PLCG2: variants seen among roughly 807,000 people sequenced by gnomAD.
PLCG2 encodes the protein phospholipase C gamma 2.
In PLCG2, 69 loss-of-function variants were observed where a neutral mutation model predicts 175.6. The ratio of observed to expected loss-of-function variants is 0.39; its 90% confidence interval spans 0.32 to 0.48. PLCG2 has a LOEUF of 0.48. PLCG2 is among the 20% of genes least tolerant of loss of function. The pLI, the probability that PLCG2 is intolerant of heterozygous loss-of-function variation, is 0.91. For missense variants in PLCG2, 1,798 were observed against 1,650.9 expected (o/e 1.09, Z -1.54); for synonymous variants, 827 against 624.0 (o/e 1.33, Z -4.85).
chr16:81,948,197 T>A (rs1731557107), intron 31 of PLCG2, among the ~76,000 whole-genome samples: 1 of 152,260 alleles, frequency 6.6e-6, no homozygotes, highest in Admixed American at 6.5e-5. Context: ...TGTATTTTTA[T>A]CTGCATGTCA....
chr16:81,909,235 G>T (rs1909511859), intron 17 of PLCG2, among the ~76,000 whole-genome samples: 3 of 152,062 alleles, frequency 2.0e-5, no homozygotes, highest in African/African-American at 7.2e-5. Context: ...AAGTATAGTT[G>T]TGATGAGTGC....
chr16:81,919,475 C>T lies in PLCG2; in HGVS notation c.2055-9C>T. The T allele has an allele frequency of 6.2e-7, 1 of 1,610,004 alleles. No homozygotes were observed. Among genetic ancestry groups the T allele is most frequent in the African/African-American group, 1.3e-5 (1 of 74,970 alleles). On this transcript the variant is annotated splice_polypyrimidine_tract_variant and intron_variant, in intron 19 of 32. Transcript: ENST00000564138. ...TTGGCATGTCAACCCTGTGTTCTTC[C>T]TGCTCCAGGGCTAGGGGCAAGGTAA...
At chr16:81,809,812 C>A (rs1368682637) in intron 2 of PLCG2, among the ~76,000 whole-genome samples, 1 of 125,190 alleles carries the variant, frequency 8.0e-6, no homozygotes, top group African/African-American at 3.2e-5. Context: ...TCAGCAGAGT[C>A]AGGATTTTTT....
intron 1 of PLCG2, among the ~76,000 whole-genome samples, chr16:81,742,384 C>G (rs1034655500): frequency 4.6e-5 from 7 of 152,262 alleles, no homozygotes; most frequent in South Asian, 2.1e-4. Flanking sequence ...TGCTGCTTCA[C>G]AGGTGATGAC....
At chr16:81,877,086 C>T (rs1369395477) in intron 7 of PLCG2, among the ~76,000 whole-genome samples, 5 of 152,170 alleles carry the variant, frequency 3.3e-5, no homozygotes, top group Admixed American at 6.5e-5. Flanking sequence ...AGACTGTCAC[C>T]GTCTTGCCCC....
intron 2 of PLCG2, among the ~76,000 whole-genome samples, chr16:81,796,012 A>C (rs1401341025): frequency 6.6e-6 from 1 of 152,206 alleles, no homozygotes; most frequent in Admixed American, 6.5e-5. Context: ...TTTGGAGGGT[A>C]CAGAGGCAGC....
intron 16 of PLCG2, 43 bp downstream of exon 16, chr16:81,907,817 A>T: frequency 7.0e-7 from 1 of 1,437,846 alleles, no homozygotes; most frequent in Middle Eastern, 2.2e-4. Flanking sequence ...GTCCCCAGGA[A>T]CCCCGAGGAC....
chr16:81,888,598 A>G (rs536095432), intron 9 of PLCG2, among the ~76,000 whole-genome samples: 1 of 152,312 alleles, frequency 6.6e-6, no homozygotes, highest in South Asian at 2.1e-4. Context: ...CTTCACAGAA[A>G]CTGTGTGGTA....
At chr16:81,946,071 C>G in intron 30 of PLCG2, 104 bp from the exon 31 acceptor site, 1 of 843,750 alleles carries the variant, frequency 1.2e-6, no homozygotes. Flanking sequence ...ACTGACTTCT[C>G]TACCCTTTGA....
At chr16:81,841,576 A>G (rs973559359) in intron 2 of PLCG2, among the ~76,000 whole-genome samples, 4 of 152,048 alleles carry the variant, frequency 2.6e-5, no homozygotes, top group Non-Finnish European at 2.9e-5. Flanking sequence ...TTTTTCAGAT[A>G]TATCTCTATA....
At chr16:81,756,617 A>C (rs1319881745) in intron 2 of PLCG2, among the ~76,000 whole-genome samples, 1 of 152,140 alleles carries the variant, frequency 6.6e-6, no homozygotes, top group Non-Finnish European at 1.5e-5. Flanking sequence ...GAAAGAAGGA[A>C]GCTAAGTGAG....
At chr16:81,791,902 G>C (rs1911249454) in intron 2 of PLCG2, among the ~76,000 whole-genome samples, 1 of 152,126 alleles carries the variant, frequency 6.6e-6, no homozygotes, top group South Asian at 2.1e-4. Flanking sequence ...ACCATGTGGT[G>C]GTCTCAGGCA....
rs372538067 is a variant in PLCG2 at position 81,900,788 on chromosome 16, C to A, written c.1362+8C>A. On this transcript the variant is annotated splice_region_variant and intron_variant, in intron 14 of 32. Coordinates refer to ENST00000564138, the MANE Select transcript of PLCG2 (RefSeq NM_002661.5). ...GAGAAGATCATCATCAAGGTAGGCA[C>A]CCCGGGTGCTGCTGTTGGCTGTCCA... 1.6e-5 allele frequency: 25 copies of A among 1,591,968 alleles called. No homozygotes were observed. The highest frequency in any genetic ancestry group is 9.1e-5 in the East Asian group (4 of 44,184).
At chr16:81,846,114 G>T (rs571500766) in intron 2 of PLCG2, among the ~76,000 whole-genome samples, 7 of 152,152 alleles carry the variant, frequency 4.6e-5, no homozygotes, top group Non-Finnish European at 1.0e-4. Context: ...AGGAGTGTTG[G>T]GTGTCGTGGC....
intron 21 of PLCG2, chr16:81,921,662 G>A: frequency 3.4e-6 from 1 of 295,126 alleles, no homozygotes; most frequent in Middle Eastern, 1.2e-3. Flanking sequence ...ACTCTGTTGT[G>A]TAATTTCATG....
At chr16:81,885,923 C>T (rs191616853) in intron 9 of PLCG2, among the ~76,000 whole-genome samples, 1 of 152,246 alleles carries the variant, frequency 6.6e-6, no homozygotes, top group East Asian at 1.9e-4. Context: ...TTTGCCCAAC[C>T]TGAGACTAAG....
At chr16:81,884,375 C>T (rs1008985604) in intron 9 of PLCG2, among the ~76,000 whole-genome samples, 3 of 151,186 alleles carry the variant, frequency 2.0e-5, no homozygotes, top group African/African-American at 4.8e-5. Flanking sequence ...AAAAACACCC[C>T]CACCCCACCA....
intron 2 of PLCG2, among the ~76,000 whole-genome samples, chr16:81,791,420 G>A (rs1357438922): frequency 6.6e-6 from 1 of 152,124 alleles, no homozygotes; most frequent in Non-Finnish European, 1.5e-5. Flanking sequence ...ATAGATCTGG[G>A]CAGAGCTCAG....
At position 81,781,992 on chromosome 16, in the gene PLCG2, C is replaced by T. The variant is rs548308855; in HGVS notation, c.-48+2568C>T. 7.9e-5 allele frequency among the ~76,000 whole-genome samples: 12 copies of T among 152,196 alleles called. No homozygotes were observed. In the South Asian group the frequency reaches 1.9e-3, roughly 24 times the overall value. ...GTTCACGCCTTTCTCCTGCCTCAGC[C>T]TCACGAGTAGCTGGGATTACAGGCA... On this transcript the variant is annotated intron_variant, in intron 1 of 32. Transcript: ENST00000564138.
Sources: allele counts gnomAD v4.1 joint callset (sites outside exome capture counted in the v4.1 genomes callset), GRCh38; gene constraint gnomAD v4.1.1; transcripts MANE v1.5; gene names NCBI Gene and HGNC (gene_info 2026-07-23, HGNC 2026-07-21).